PDIA5: variants seen among roughly 807,000 people sequenced by gnomAD.
The protein encoded by PDIA5 is protein disulfide isomerase family A member 5.
In PDIA5, 58 loss-of-function variants were observed where a neutral mutation model predicts 77.6. The ratio of observed to expected loss-of-function variants is 0.75; its 90% confidence interval spans 0.61 to 0.93. PDIA5 has a LOEUF of 0.93. Among genes scored for constraint, PDIA5 ranks in the 40% least tolerant of loss-of-function variants. PDIA5 has a pLI of 0.00. For synonymous variants in PDIA5, 250 were observed against 252.1 expected, an observed-to-expected ratio of 0.99 and a Z score of 0.08; for missense variants, 630 against 647.7, an observed-to-expected ratio of 0.97 and a Z score of 0.30.
At chr3:123,139,569 A>G (rs1935576943) in intron 11 of PDIA5, among the ~76,000 whole-genome samples, 1 of 152,136 alleles carries the variant, frequency 6.6e-6, no homozygotes, top group South Asian at 2.1e-4. Flanking sequence ...GATGTTAGAG[A>G]TTTTGGGAGA....
At chr3:123,141,658 C>T (rs574669527) in intron 11 of PDIA5, among the ~76,000 whole-genome samples, 2 of 152,326 alleles carry the variant, frequency 1.3e-5, no homozygotes, top group African/African-American at 4.8e-5. Context: ...TTGGGGTTGC[C>T]CCCGGGGCAG....
chr3:123,105,838 TG>T (rs1486622497), intron 5 of PDIA5, among the ~76,000 whole-genome samples: 4 of 152,168 alleles, frequency 2.6e-5, no homozygotes, highest in Non-Finnish European at 4.4e-5. Context: ...GGCTGGGGTC[TG>T]GTTCCTGATC....
intron 10 of PDIA5, among the ~76,000 whole-genome samples, chr3:123,126,924 C>T (rs1286919883): frequency 3.3e-5 from 5 of 152,120 alleles, no homozygotes; most frequent in Non-Finnish European, 7.3e-5. Context: ...ATGTGTTGAT[C>T]GTGGCACTGG....
At chr3:123,108,844 C>G (rs944660732) in intron 6 of PDIA5, among the ~76,000 whole-genome samples, 1 of 151,916 alleles carries the variant, frequency 6.6e-6, no homozygotes, top group Non-Finnish European at 1.5e-5. Context: ...CGAGATCATG[C>G]CATTGCACTC....
At chr3:123,092,600 G>A (rs1415115777) in intron 3 of PDIA5, among the ~76,000 whole-genome samples, 158 bp downstream of exon 3, 1 of 152,172 alleles carries the variant, frequency 6.6e-6, no homozygotes, top group East Asian at 1.9e-4. Flanking sequence ...CCTCTGGACT[G>A]GAAGAGTGGT....
intron 11 of PDIA5, among the ~76,000 whole-genome samples, chr3:123,135,453 A>G (rs963569961): frequency 6.6e-6 from 1 of 151,684 alleles, no homozygotes; most frequent in African/African-American, 2.4e-5. Flanking sequence ...CTACCCCCTG[A>G]CTCATCGACC....
intron 13 of PDIA5, among the ~76,000 whole-genome samples, chr3:123,148,166 C>T (rs1935810822): frequency 6.6e-6 from 1 of 152,196 alleles, no homozygotes; most frequent in Admixed American, 6.5e-5. Flanking sequence ...GCCCCAGTTT[C>T]CTATCTGTAA....
Position 123,124,305 on chromosome 3 carries a change from T to C in PDIA5, c.735T>C (p.Tyr245=), listed in dbSNP as rs750600724. The change falls in exon 10 of 17, where the codon TAT becomes TAC. Residue 245 remains tyrosine, a synonymous_variant. Coordinates refer to ENST00000316218, the MANE Select transcript of PDIA5 (RefSeq NM_006810.4). ...KGRFLFQYDN[Y]GSTAEDIVEW... The stretch of plus-strand genomic sequence containing the variant: ...GGTTCTTGTTCCAGTATGACAACTA[T>C]GGGTCCACAGCTGAGGACATTGTGG... 34 of 1,613,766 alleles carry C rather than the reference T, an allele frequency of 2.1e-5. No homozygotes were observed. Among genetic ancestry groups the C allele is most frequent in the Non-Finnish European group, 2.8e-5 (33 of 1,179,734 alleles).
At chr3:123,086,048 G>A (rs1441827577) in intron 1 of PDIA5, among the ~76,000 whole-genome samples, 2 of 152,190 alleles carry the variant, frequency 1.3e-5, no homozygotes, top group African/African-American at 4.8e-5. Context: ...TCTGCAGGGT[G>A]TGATGAGGGA....
chr3:123,156,949 C>T (rs116393071), intron 15 of PDIA5, among the ~76,000 whole-genome samples: 1,850 of 152,316 alleles, frequency 0.012, 27 homozygotes, highest in Admixed American at 0.018. Context: ...TGAGAGCCCA[C>T]GTCTTCTCTT....
At position 123,161,971 on chromosome 3, in the gene PDIA5, A is replaced by T; in HGVS notation, c.*11A>T. 1 of 1,526,508 alleles carries T rather than the reference A, an allele frequency of 6.6e-7. No individual in the cohort carries two copies. Among genetic ancestry groups the T allele is most frequent in the African/African-American group, 1.4e-5 (1 of 73,256 alleles). 94.6% of individuals were successfully genotyped at this position (1,526,508 alleles called of 1,614,324 possible). On this transcript the variant is annotated 3_prime_UTR_variant, in exon 17 of 17. Coordinates refer to ENST00000316218, the MANE Select transcript of PDIA5 (RefSeq NM_006810.4). ...AAGGAAGAGTTATAATTCCTGCCTCAGAAAAAGCTTTTCCATTACACTGTG... is the reference window on the plus strand; with the variant it reads ...AAGGAAGAGTTATAATTCCTGCCTCTGAAAAAGCTTTTCCATTACACTGTG...
At chr3:123,092,518 A>G in intron 3 of PDIA5, 76 bp downstream of exon 3, 4 of 1,028,438 alleles carry the variant, frequency 3.9e-6, no homozygotes, top group Non-Finnish European at 6.2e-6. Flanking sequence ...GGGGACAGGA[A>G]CTGTCTCTTG....
chr3:123,147,880 G>C (rs761521171), intron 13 of PDIA5, among the ~76,000 whole-genome samples: 7 of 152,142 alleles, frequency 4.6e-5, no homozygotes, highest in Non-Finnish European at 7.3e-5. Context: ...CCAGGTCCCT[G>C]TGATGCTTGG....
intron 1 of PDIA5, among the ~76,000 whole-genome samples, chr3:123,070,229 G>A (rs996989581): frequency 5.9e-5 from 9 of 152,158 alleles, no homozygotes; most frequent in Non-Finnish European, 1.0e-4. Context: ...TAAGGATGTG[G>A]AAAAATGCCC....
chr3:123,140,509 C>T (rs982734972), intron 11 of PDIA5, among the ~76,000 whole-genome samples: 2 of 152,164 alleles, frequency 1.3e-5, no homozygotes, highest in Non-Finnish European at 2.9e-5. Context: ...ACAGATCATT[C>T]GATGGGGCTA....
At chr3:123,140,594 G>GCCTGTGGAGAGGA (rs112965174) in intron 11 of PDIA5, among the ~76,000 whole-genome samples, 2 of 151,922 alleles carry the variant, frequency 1.3e-5, no homozygotes, top group African/African-American at 4.8e-5. Context: ...GGTGGATGTT[G>GCCTGTGGAGAGGA]CCTATCCATC....
intron 1 of PDIA5, among the ~76,000 whole-genome samples, chr3:123,086,792 A>G (rs950394550): frequency 6.6e-6 from 1 of 152,198 alleles, no homozygotes; most frequent in African/African-American, 2.4e-5. Context: ...TTGTAGTGGA[A>G]GACGGGTCCC....
chr3:123,079,110 C>T (rs1207002435), intron 1 of PDIA5, among the ~76,000 whole-genome samples: 3 of 151,084 alleles, frequency 2.0e-5, no homozygotes, highest in Non-Finnish European at 4.4e-5. Context: ...GGCAAATCCT[C>T]AGTGTTTTTC....
intron 1 of PDIA5, 34 bp downstream of exon 1, chr3:123,067,240 A>T (rs1265704055): frequency 1.6e-6 from 2 of 1,239,688 alleles, no homozygotes; most frequent in East Asian, 6.3e-5. Flanking sequence ...GGGCCGGGCC[A>T]GCACGTGTGT....
Sources: gnomAD v4.1 joint callset for allele counts (sites outside exome capture counted in the v4.1 genomes callset) on GRCh38, gnomAD v4.1.1 for gene constraint, MANE v1.5 for transcripts, NCBI Gene and HGNC (gene_info 2026-07-23, HGNC 2026-07-21) for gene names.